The following TBL1Y variants were observed in gnomAD, a reference collection of about 807,000 sequenced individuals.
TBL1Y encodes the protein transducin beta like 1 Y-linked.
Under a neutral mutation model 12.0 loss-of-function variants are expected in TBL1Y, and 15 were observed. The observed-to-expected ratio is 1.25, with a 90% CI of 0.83 to 1.92. The LOEUF (loss-of-function observed/expected upper bound fraction) is 1.92. Among genes scored for constraint, TBL1Y ranks in the 40% most tolerant of loss-of-function variants. TBL1Y has a pLI of 0.00. For missense variants in TBL1Y, 148 were observed against 116.7 expected (o/e 1.27, Z -1.24); for synonymous variants, 53 against 42.6 (o/e 1.24, Z -0.95).
At chrY:6,961,472 T>C in intron 2 of TBL1Y, among the ~76,000 whole-genome samples, 1 of 33,084 alleles carries the variant, frequency 3.0e-5, no homozygotes, top group Non-Finnish European at 7.4e-5. Flanking sequence ...GATGGGTTCA[T>C]TGTAGAACTT....
chrY:7,079,652 C>T, intron 13 of TBL1Y, among the ~76,000 whole-genome samples: 1 of 34,246 alleles, frequency 2.9e-5, no homozygotes, highest in Non-Finnish European at 7.3e-5. Flanking sequence ...ATTTCATCCC[C>T]AAAGGGTTTC....
chrY:6,929,198 T>C (rs2011846287), intron 2 of TBL1Y, among the ~76,000 whole-genome samples: 2 of 32,877 alleles, frequency 6.1e-5, no homozygotes, highest in African/African-American at 1.2e-4. Flanking sequence ...ACCCACCCTT[T>C]CCTGCCTAGG....
At chrY:7,067,612 T>C (rs2012995652) in intron 8 of TBL1Y, among the ~76,000 whole-genome samples, 3 of 33,958 alleles carry the variant, frequency 8.8e-5, no homozygotes, top group Non-Finnish European at 2.2e-4. Flanking sequence ...CACAGAAAGG[T>C]ACATTTTAAT....
At position 7,086,434 on chromosome Y, in the gene TBL1Y, C is replaced by T; in HGVS notation, c.1280+17C>T. The T allele has an allele frequency of 5.3e-6, 2 of 377,727 alleles. No homozygotes were observed. The highest frequency in any genetic ancestry group is 7.4e-6 in the Non-Finnish European group (2 of 270,052). The allele number at this position is 377,727 out of a possible 400,897, so 94.2% of individuals were successfully genotyped here. On this transcript the variant is annotated intron_variant, in intron 16 of 18. Coordinates refer to ENST00000383032, the MANE Select transcript of TBL1Y (RefSeq NM_033284.2). ...GTTGGCAAGGTAAGGGCCGGCAGCA[C>T]AACTGGTACAGCTCCGCCCTACACA... is the stretch of plus-strand genomic sequence containing the variant.
chrY:7,057,210 C>T, intron 7 of TBL1Y, among the ~76,000 whole-genome samples: 3 of 31,179 alleles, frequency 9.6e-5, no homozygotes, highest in Admixed American at 2.9e-4. Context: ...GTAATTCAAA[C>T]GAGTCAGGGT....
rs1370309465 is a variant in TBL1Y at position 7,056,162 on chromosome Y, G to A, written c.205-7735G>A. On this transcript the variant is annotated intron_variant, in intron 7 of 18. Coordinates refer to ENST00000383032, the MANE Select transcript of TBL1Y (RefSeq NM_033284.2). ...ATGTTAAAAACAAAAAACAAAAAAC[G>A]TGAATCAGAATGAAATGATGTTGTT... 8.9e-5 allele frequency among the ~76,000 whole-genome samples: 3 copies of A among 33,724 alleles called. No individual in the cohort carries two copies. The East Asian group carries it at 2.3e-3, about 26-fold the overall frequency. 90.5% of individuals were successfully genotyped at this position (33,724 alleles called of 37,273 possible).
intron 8 of TBL1Y, among the ~76,000 whole-genome samples, chrY:7,069,495 T>G: frequency 3.0e-5 from 1 of 33,704 alleles, no homozygotes. Context: ...CTTCTCCCTG[T>G]GTCCACACGT....
chrY:7,064,301 G>T, intron 8 of TBL1Y, 152 bp downstream of exon 8: 1 of 171,352 alleles, frequency 5.8e-6, no homozygotes, highest in South Asian at 5.1e-5. Flanking sequence ...CTACCCAGAA[G>T]AGCTCCCGTT....
chrY:7,010,253 A>G, intron 4 of TBL1Y, among the ~76,000 whole-genome samples: 1 of 33,739 alleles, frequency 3.0e-5, no homozygotes, highest in Non-Finnish European at 7.3e-5. Flanking sequence ...TGCATTGTGT[A>G]TATGCAAATT....
chrY:7,082,418 T>A (rs2013104331), intron 14 of TBL1Y, among the ~76,000 whole-genome samples: 1 of 33,499 alleles, frequency 3.0e-5, no homozygotes, highest in Admixed American at 2.7e-4. Context: ...ACCTTACTTC[T>A]GCAATCGCCG....
At chrY:6,933,307 C>T (rs2011879981) in intron 2 of TBL1Y, among the ~76,000 whole-genome samples, 1 of 33,438 alleles carries the variant, frequency 3.0e-5, no homozygotes, top group Admixed American at 2.8e-4. Flanking sequence ...CTCGCACTCT[C>T]CTCACCAGGA....
chrY:6,999,665 TTCTC>T (rs2012435339), intron 4 of TBL1Y, among the ~76,000 whole-genome samples: 1 of 26,663 alleles, frequency 3.8e-5, no homozygotes, highest in African/African-American at 1.5e-4. Flanking sequence ...TTTCCTTTTC[TTCTC>T]TCTCTGACTC....
At chrY:6,914,528 T>TA (rs1185230137) in intron 2 of TBL1Y, among the ~76,000 whole-genome samples, 20 of 26,533 alleles carry the variant, frequency 7.5e-4, no homozygotes, top group African/African-American at 2.4e-3. Context: ...TGTTCTGTAT[T>TA]AAAAAAAAAA....
chrY:7,033,061 A>T (rs929509857), intron 6 of TBL1Y, among the ~76,000 whole-genome samples: 8 of 33,515 alleles, frequency 2.4e-4, no homozygotes, highest in African/African-American at 9.3e-4. Context: ...TTTTGAAAAG[A>T]TCAACAAAAT....
At chrY:7,025,395 G>A in intron 6 of TBL1Y, among the ~76,000 whole-genome samples, 6 of 33,664 alleles carry the variant, frequency 1.8e-4, no homozygotes, top group African/African-American at 5.8e-4. Context: ...AGAGCCAGTG[G>A]ATTTGTTTCC....
intron 2 of TBL1Y, chrY:6,920,592 A>T: frequency 3.0e-5 from 1 of 33,310 alleles, no homozygotes; most frequent in Non-Finnish European, 7.4e-5. Flanking sequence ...GGGGTCTTTT[A>T]TTCTGCCTGA....
chrY:7,001,244 G>T (rs774280293), intron 4 of TBL1Y, among the ~76,000 whole-genome samples: 3 of 32,790 alleles, frequency 9.1e-5, no homozygotes, highest in African/African-American at 3.6e-4. Flanking sequence ...CTTGTCAATC[G>T]CCTGGGACTT....
rs769539797 is a variant in TBL1Y, at chrY:7,045,716, C to G, written c.204+2591C>G. Among the ~76,000 whole-genome samples, 3 of 33,378 alleles carry G rather than the reference C, an allele frequency of 9.0e-5. No individual in the cohort carries two copies. In the East Asian group the frequency reaches 2.4e-3, roughly 27 times the overall value. The allele number at this position is 33,378 out of a possible 37,273, so 89.6% of individuals were successfully genotyped here. A position where few individuals can be genotyped will look rare whatever the true frequency, so the allele number is the denominator to read the frequency against. On this transcript the variant is annotated intron_variant, in intron 7 of 18. Coordinates refer to ENST00000383032, the MANE Select transcript of TBL1Y (RefSeq NM_033284.2). ...ACTGTTGTTGCATGATCATCTGAAG[C>G]TTGATGGTCTCCAGGAGAGAGGAAA...
intron 2 of TBL1Y, among the ~76,000 whole-genome samples, chrY:6,965,966 T>C: frequency 3.0e-5 from 1 of 33,683 alleles, no homozygotes. Context: ...TTTACGTAAA[T>C]GTGCATTGGA....
Sources: allele counts gnomAD v4.1 joint callset (sites outside exome capture counted in the v4.1 genomes callset), GRCh38; gene constraint gnomAD v4.1.1; transcripts MANE v1.5; gene names NCBI Gene and HGNC (gene_info 2026-07-23, HGNC 2026-07-21).